CDKAL1: variants seen among roughly 807,000 people sequenced by gnomAD.
The protein encoded by CDKAL1 is CDKAL1 threonylcarbamoyladenosine tRNA methylthiotransferase, also known as threonylcarbamoyladenosine tRNA methylthiotransferase.
In CDKAL1, 32 loss-of-function variants were observed where a neutral mutation model predicts 68.2. The ratio of observed to expected loss-of-function variants is 0.47; its 90% CI spans 0.35 to 0.63. CDKAL1 has a LOEUF of 0.63. CDKAL1 is among the 30% of genes least tolerant of loss of function. The probability of loss-of-function intolerance (pLI) is 0.00; values close to 1 mark genes in which losing one functional copy is unlikely to be tolerated. For missense variants in CDKAL1, 606 were observed against 696.7 expected (o/e 0.87, Z 1.47); for synonymous variants, 234 against 244.3 (o/e 0.96, Z 0.39).
At chr6:20,795,146 A>G (rs1239906436) in intron 8 of CDKAL1, among the ~76,000 whole-genome samples, 1 of 152,068 alleles carries the variant, frequency 6.6e-6, no homozygotes. Flanking sequence ...TGGTTCTGCC[A>G]TTTACCTTCC....
chr6:20,723,410 G>A (rs1156846416), intron 5 of CDKAL1, among the ~76,000 whole-genome samples: 1 of 152,262 alleles, frequency 6.6e-6, no homozygotes, highest in African/African-American at 2.4e-5. Context: ...GGCCCTGCGC[G>A]GAGCTTGCTC....
At chr6:20,783,860 G>A (rs756147214) in intron 8 of CDKAL1, among the ~76,000 whole-genome samples, 15 of 152,260 alleles carry the variant, frequency 9.9e-5, no homozygotes, top group South Asian at 2.1e-4. Flanking sequence ...ATCTGTAGGG[G>A]ATTAGTTCCA....
At chr6:21,148,882 T>TA in intron 13 of CDKAL1, among the ~76,000 whole-genome samples, 1 of 152,252 alleles carries the variant, frequency 6.6e-6, no homozygotes, top group Non-Finnish European at 1.5e-5. Flanking sequence ...CATTCATGAC[T>TA]AAAAAAGAAT....
At chr6:20,902,252 T>C (rs1762024653) in intron 9 of CDKAL1, among the ~76,000 whole-genome samples, 1 of 151,344 alleles carries the variant, frequency 6.6e-6, no homozygotes, top group Non-Finnish European at 1.5e-5. Flanking sequence ...ATTGTAGGGG[T>C]TCAGAATGTA....
At chr6:21,005,096 G>C (rs1354362377) in intron 11 of CDKAL1, among the ~76,000 whole-genome samples, 1 of 152,110 alleles carries the variant, frequency 6.6e-6, no homozygotes, top group Non-Finnish European at 1.5e-5. Context: ...AAACATGAAT[G>C]ATTCTTTTTT....
chr6:20,725,104 G>C lies in CDKAL1; in HGVS notation c.372-14415G>C, dbSNP rs146656528. Among the ~76,000 whole-genome samples, 256 of 152,270 alleles carry C rather than the reference G, an allele frequency of 1.7e-3. 1 individual carries two copies. The South Asian group carries it at 0.02, about 12-fold the overall frequency. ...CTTTATTAAGGTCTTCGGATATACTGATATATTCTGGAGTTTCCTCCCCAC... is the reference window on the plus strand; with the variant it reads ...CTTTATTAAGGTCTTCGGATATACTCATATATTCTGGAGTTTCCTCCCCAC... On this transcript the variant is annotated intron_variant, in intron 5 of 15. Coordinates refer to ENST00000274695, the MANE Select transcript of CDKAL1 (RefSeq NM_017774.3).
At chr6:20,786,529 G>A (rs1436076915) in intron 8 of CDKAL1, among the ~76,000 whole-genome samples, 1 of 114,848 alleles carries the variant, frequency 8.7e-6, no homozygotes, top group Non-Finnish European at 1.6e-5. Context: ...ATGGAGTCTC[G>A]CTCTGTCACC....
At chr6:21,223,352 C>A (rs746365257) in intron 15 of CDKAL1, among the ~76,000 whole-genome samples, 14 of 152,140 alleles carry the variant, frequency 9.2e-5, no homozygotes, top group Non-Finnish European at 1.9e-4. Context: ...AGGGTTAACT[C>A]CTATTAGCTA....
intron 9 of CDKAL1, among the ~76,000 whole-genome samples, chr6:20,904,702 T>C (rs1251506596): frequency 1.3e-5 from 2 of 151,832 alleles, no homozygotes; most frequent in African/African-American, 4.8e-5. Context: ...GGCAGGAGGA[T>C]TGCTTGAACC....
intron 5 of CDKAL1, among the ~76,000 whole-genome samples, chr6:20,662,140 C>A (rs1769313170): frequency 2.0e-5 from 3 of 152,002 alleles, no homozygotes; most frequent in Admixed American, 6.6e-5. Context: ...GAGTGACAAA[C>A]ATAATCTTTC....
chr6:20,902,844 G>T (rs993440922), intron 9 of CDKAL1, among the ~76,000 whole-genome samples: 1 of 152,138 alleles, frequency 6.6e-6, no homozygotes, highest in Non-Finnish European at 1.5e-5. Context: ...GTCTAAATGG[G>T]TGATGGTTGA....
At chr6:20,550,233 C>G (rs1763765574) in intron 4 of CDKAL1, among the ~76,000 whole-genome samples, 1 of 152,142 alleles carries the variant, frequency 6.6e-6, no homozygotes, top group African/African-American at 2.4e-5. Context: ...CTGCCTTGGC[C>G]TCCCAAAGTG....
At chr6:21,040,839 C>T (rs1265561437) in intron 11 of CDKAL1, among the ~76,000 whole-genome samples, 1 of 151,922 alleles carries the variant, frequency 6.6e-6, no homozygotes, top group Non-Finnish European at 1.5e-5. Flanking sequence ...TCCCTAATTC[C>T]TCACTTCCCT....
intron 9 of CDKAL1, among the ~76,000 whole-genome samples, chr6:20,945,914 A>G (rs1457962797): frequency 6.6e-6 from 1 of 152,190 alleles, no homozygotes; most frequent in Non-Finnish European, 1.5e-5. Context: ...TTTTGTTCTG[A>G]AAGACTGGAC....
chr6:20,892,641 A>G (rs1201516464), intron 9 of CDKAL1, among the ~76,000 whole-genome samples: 2 of 152,198 alleles, frequency 1.3e-5, no homozygotes, highest in East Asian at 3.8e-4. Context: ...ACATGTACTC[A>G]TAACCTTTCT....
intron 5 of CDKAL1, among the ~76,000 whole-genome samples, chr6:20,731,477 T>G (rs1772922748): frequency 6.6e-6 from 1 of 152,162 alleles, no homozygotes; most frequent in South Asian, 2.1e-4. Flanking sequence ...TAAGAGTAAT[T>G]CTAAGAGTTA....
chr6:20,703,979 CTT>C (rs1297780280), intron 5 of CDKAL1, among the ~76,000 whole-genome samples: 1 of 152,066 alleles, frequency 6.6e-6, no homozygotes, highest in Non-Finnish European at 1.5e-5. Context: ...AAAATTATGT[CTT>C]TATTGTTTTC....
intron 9 of CDKAL1, among the ~76,000 whole-genome samples, chr6:20,913,116 TACACACACACACACACACACACAC>T (rs70990080): frequency 1.5e-5 from 2 of 136,542 alleles, no homozygotes; most frequent in African/African-American, 5.7e-5. Flanking sequence ...CACAGTTGTT[TACACACACACACACACACACACAC>T]ACACACACAC....
chr6:21,074,536 T>C (rs1279839577), intron 12 of CDKAL1, among the ~76,000 whole-genome samples: 1 of 152,126 alleles, frequency 6.6e-6, no homozygotes, highest in African/African-American at 2.4e-5. Flanking sequence ...GTAAAAACCA[T>C]TGCCTGGAAG....
Sources: allele counts gnomAD v4.1 joint callset (sites outside exome capture counted in the v4.1 genomes callset), GRCh38; gene constraint gnomAD v4.1.1; transcripts MANE v1.5; gene names NCBI Gene and HGNC (gene_info 2026-07-23, HGNC 2026-07-21).